The following DNAH2 variants were observed in gnomAD, a reference collection of about 807,000 sequenced individuals.
The protein encoded by DNAH2 is axonemal beta dynein heavy chain 2.
DNAH2 carries 323 observed loss-of-function variants against 523.5 expected under a neutral mutation model. The ratio of observed to expected loss-of-function variants is 0.62; its 90% confidence interval spans 0.56 to 0.68. DNAH2 has a LOEUF of 0.68. Among genes scored for constraint, DNAH2 ranks in the 30% least tolerant of loss-of-function variants. The pLI, the probability that DNAH2 is intolerant of heterozygous loss-of-function variation, is 0.00. For synonymous variants in DNAH2, 2,093 were observed against 2,177.4 expected (o/e 0.96, Z 1.08); for missense variants, 4,907 against 5,701.5 (o/e 0.86, Z 4.49).
chr17:7,725,425 A>AACATATATATATATATATATATATATAT (rs1555534960), intron 3 of DNAH2, among the ~76,000 whole-genome samples: 1 of 124,960 alleles, frequency 8.0e-6, no homozygotes, highest in African/African-American at 3.1e-5. Context: ...ACTTCAAGTG[A>AACATATATATATATATATATATATATAT]ATATATATAT....
chr17:7,816,681 G>T lies in DNAH2; in HGVS notation c.9840G>T (p.Gly3280=). The T allele has an allele frequency of 6.2e-7, 1 of 1,614,258 alleles. No individual in the cohort carries two copies. The highest frequency in any genetic ancestry group is 8.5e-7 in the Non-Finnish European group (1 of 1,180,048). ...TGGAGCTGAAGCTGGAGCGAGCTGG[G>T]ATGCTCGTGTCGGGGTTGGCTGGCG... ...EEMELKLERA[G]MLVSGLAGEK... is the part of the protein sequence containing the mutation. Residue 3280 remains glycine, a synonymous_variant, in exon 64 of 86, where the codon GGG becomes GGT. Transcript: ENST00000572933.
In DNAH2 at chr17:7,802,032, A is replaced by T. The variant is rs754435501; in HGVS notation, c.8972+15A>T. 2.4e-5 allele frequency: 39 copies of T among 1,613,528 alleles called. No individual in the cohort carries two copies. Among genetic ancestry groups the T allele is most frequent in the African/African-American group, 2.4e-4 (18 of 74,926 alleles). ...GGATATAAGAAGTATGAAGGGGGGC[A>T]GGGGATGTGCAGGGCCAGGGAGGCT... On this transcript the variant is annotated intron_variant, in intron 58 of 85. Coordinates refer to ENST00000572933, the MANE Select transcript of DNAH2 (RefSeq NM_020877.5).
Position 7,781,143 on chromosome 17 carries a change from G to A in DNAH2, c.6105G>A (p.Glu2035=). The A allele has an allele frequency of 6.2e-7, 1 of 1,614,206 alleles. No individual in the cohort carries two copies. Among genetic ancestry groups the A allele is most frequent in the South Asian group, 1.1e-5 (1 of 91,080 alleles). The part of the protein sequence containing the change: ...AIVQDLFPNI[E]LPVIDYGKLR... Reference sequence around the variant, plus strand: ...TGCAAGATCTGTTTCCCAACATTGAGCTGCCTGTCATTGACTATGGCAAGG... The same window carrying A: ...TGCAAGATCTGTTTCCCAACATTGAACTGCCTGTCATTGACTATGGCAAGG... Residue 2035 remains glutamate (E), a synonymous_variant, in exon 39 of 86, where the codon GAG becomes GAA. Coordinates refer to ENST00000572933, the MANE Select transcript of DNAH2 (RefSeq NM_020877.5).
In DNAH2 at chr17:7,807,064, C is replaced by A; in HGVS notation, c.9443-86C>A. 1 of 1,490,136 alleles carries A rather than the reference C, an allele frequency of 6.7e-7. No homozygotes were observed. The highest frequency in any genetic ancestry group is 9.0e-7 in the Non-Finnish European group (1 of 1,107,622). 92.3% of individuals were successfully genotyped at this position (1,490,136 alleles called of 1,614,324 possible). A position where few individuals can be genotyped will look rare whatever the true frequency, so the allele number is the denominator to read the frequency against. ...GGAACTGAGCCCAGGAAAAATGTGG[C>A]TATGCGTGAGTAGTGGAGGTGAAAC... On this transcript the variant is annotated intron_variant, in intron 61 of 85. Transcript: ENST00000572933. This position sits in a 1 kb window ranked among gnomAD's most constrained non-coding sequence, Gnocchi z 5.6.
At chr17:7,829,752 C>G (rs766411475) in intron 77 of DNAH2, among the ~76,000 whole-genome samples, 1 of 151,698 alleles carries the variant, frequency 6.6e-6, no homozygotes, top group Non-Finnish European at 1.5e-5. Context: ...TGGCTGGGTG[C>G]GGTGGCTCAC....
intron 61 of DNAH2, among the ~76,000 whole-genome samples, chr17:7,806,812 T>C (rs1246254281): frequency 1.3e-5 from 2 of 151,918 alleles, no homozygotes; most frequent in Non-Finnish European, 2.9e-5. Flanking sequence ...TGGGTTCCCA[T>C]AGTAGAATAC....
At chr17:7,816,762 CCTTTCACTCTG>C in intron 64 of DNAH2, 27 bp downstream of exon 64, 1 of 1,607,482 alleles carries the variant, frequency 6.2e-7, no homozygotes, top group Non-Finnish European at 8.5e-7. Context: ...TACCTGGTGT[CCTTTCACTCTG>C]CTCGCCACTT....
chr17:7,820,928 G>T lies in DNAH2; in HGVS notation c.11016-315G>T, dbSNP rs4791819. On this transcript the variant is annotated intron_variant, in intron 72 of 85. Coordinates refer to ENST00000572933, the MANE Select transcript of DNAH2 (RefSeq NM_020877.5). ...GTGATGGGCTCCTGTAATCCCAGCT[G>T]CTTGGGAGCCTGACGCAGGAGAATC... 5.3e-3 allele frequency among the ~76,000 whole-genome samples: 813 copies of T among 152,214 alleles called. 13 individuals are homozygous for T. Among genetic ancestry groups the T allele is most frequent in the Admixed American group, 0.026 (394 of 15,282 alleles).
At chr17:7,725,827 G>A (rs1278973921) in intron 3 of DNAH2, among the ~76,000 whole-genome samples, 1 of 151,678 alleles carries the variant, frequency 6.6e-6, no homozygotes, top group Non-Finnish European at 1.5e-5. Flanking sequence ...TGAGTTTTTA[G>A]TGTTTTTCTT....
chr17:7,771,294 G>A (rs1426183407), intron 27 of DNAH2, 36 bp from the exon 28 acceptor site: 7 of 1,613,464 alleles, frequency 4.3e-6, no homozygotes, highest in East Asian at 4.5e-5. Flanking sequence ...GAGTGTGTAA[G>A]AAGTGGCCTC....
intron 4 of DNAH2, among the ~76,000 whole-genome samples, chr17:7,732,084 G>C (rs987387647): frequency 1.3e-5 from 2 of 150,378 alleles, no homozygotes; most frequent in African/African-American, 4.9e-5. Flanking sequence ...TTTCTGGGTA[G>C]TAAGAAGACA....
intron 44 of DNAH2, among the ~76,000 whole-genome samples, chr17:7,789,579 CTT>C (rs58735826): frequency 6.4e-5 from 9 of 140,688 alleles, no homozygotes; most frequent in Non-Finnish European, 1.5e-5. Context: ...GAGGAATACT[CTT>C]TTTTTTTTTT....
intron 77 of DNAH2, among the ~76,000 whole-genome samples, chr17:7,829,941 G>A (rs2078121085): frequency 6.7e-6 from 1 of 149,448 alleles, no homozygotes; most frequent in South Asian, 2.1e-4. Flanking sequence ...CAGGAGAATC[G>A]CTTGAATCCA....
Position 7,760,828 on chromosome 17 carries a change from C to G in DNAH2, c.2874C>G (p.Thr958=). ...GCCTGCTGCAGAACTACCTCAAGACCTGGGACATGTACCGGGAGATCTGGG... is the reference window on the plus strand; with the variant it reads ...GCCTGCTGCAGAACTACCTCAAGACGTGGGACATGTACCGGGAGATCTGGG... ...NASLLQNYLK[T]WDMYREIWEI... Residue 958 remains threonine, a synonymous_variant, in exon 18 of 86, where the codon ACC becomes ACG. Coordinates refer to ENST00000572933, the MANE Select transcript of DNAH2 (RefSeq NM_020877.5). The surrounding 1 kb of genome is among the most constrained non-coding windows in gnomAD (Gnocchi z 4.0). 6.2e-7 allele frequency: 1 copy of G among 1,614,220 alleles called. No individual in the cohort carries two copies. Among genetic ancestry groups the G allele is most frequent in the Non-Finnish European group, 8.5e-7 (1 of 1,180,044 alleles).
At chr17:7,799,742 CG>C (rs1225527440) in intron 56 of DNAH2, among the ~76,000 whole-genome samples, 2 of 151,734 alleles carry the variant, frequency 1.3e-5, no homozygotes, top group Non-Finnish European at 2.9e-5. Flanking sequence ...CGCTTGAACC[CG>C]GGAGGCAGAG....
chr17:7,819,001 G>A lies in DNAH2; in HGVS notation c.10753G>A (p.Glu3585Lys). ...TLHTSKITAT[E>K]VTEQLETSET... ...GCATACCTCCAAGATCACAGCCACA[G>A]AGGTGACTGAGCAGCTGGAGACCAG... The change falls in exon 71 of 86, where the codon GAG becomes AAG. Residue 3585 changes from glutamate to lysine, a missense_variant. By Grantham distance (56) the Glu-to-Lys change is moderately conservative. Transcript: ENST00000572933. 3 of 1,610,974 alleles carry A rather than the reference G, an allele frequency of 1.9e-6. No individual in the cohort carries two copies. Among genetic ancestry groups the A allele is most frequent in the East Asian group, 2.2e-5 (1 of 44,872 alleles).
intron 58 of DNAH2, 78 bp downstream of exon 58, chr17:7,802,095 G>A (rs1417147059): frequency 3.8e-6 from 6 of 1,566,856 alleles, no homozygotes; most frequent in African/African-American, 1.3e-5. Context: ...TGATGCTGAT[G>A]TGCAAGGGCA....
At chr17:7,804,522 G>C in intron 59 of DNAH2, 56 bp downstream of exon 59, 1 of 1,578,558 alleles carries the variant, frequency 6.3e-7, no homozygotes, top group Non-Finnish European at 8.6e-7. Context: ...CGGCTACTGC[G>C]TCAGGGAACC....
chr17:7,781,309 T>A, intron 39 of DNAH2, 142 bp downstream of exon 39: 1 of 900,922 alleles, frequency 1.1e-6, no homozygotes, highest in Non-Finnish European at 1.7e-6. Context: ...ACCCTGTATC[T>A]ACAAAAAGTA....
Sources: gnomAD v4.1 joint callset for allele counts (sites outside exome capture counted in the v4.1 genomes callset) on GRCh38, gnomAD v4.1.1 for gene constraint, Gnocchi (gnomAD v3.1) non-coding constraint, MANE v1.5 for transcripts, NCBI Gene and HGNC (gene_info 2026-07-23, HGNC 2026-07-21) for gene names.